Variants in ATRNL1 observed in about 807,000 individuals in gnomAD.
ATRNL1 encodes the protein attractin-like protein 1.
A neutral mutation model predicts 182.7 loss-of-function variants in ATRNL1; 95 were observed. That is an observed-to-expected ratio of 0.52 (90% CI 0.44 to 0.62). The LOEUF is 0.62. ATRNL1 is among the 20% of genes least tolerant of loss of function. The pLI is 0.00. For synonymous variants in ATRNL1, 576 were observed against 568.3 expected (o/e 1.01, Z -0.19); for missense variants, 1,471 against 1,679.5 (o/e 0.88, Z 2.17).
At chr10:115,793,869 T>C (rs1374419174) in intron 27 of ATRNL1, among the ~76,000 whole-genome samples, 1 of 152,174 alleles carries the variant, frequency 6.6e-6, no homozygotes, top group Non-Finnish European at 1.5e-5. Flanking sequence ...ACAACAATGG[T>C]TGCACAATTC....
At chr10:115,444,749 G>T (rs1284348499) in intron 21 of ATRNL1, among the ~76,000 whole-genome samples, 1 of 151,574 alleles carries the variant, frequency 6.6e-6, no homozygotes, top group Non-Finnish European at 1.5e-5. Flanking sequence ...GATAGAGCAA[G>T]ATATTTATAT....
At chr10:115,423,009 C>G (rs906366728) in intron 20 of ATRNL1, among the ~76,000 whole-genome samples, 1 of 152,030 alleles carries the variant, frequency 6.6e-6, no homozygotes, top group Non-Finnish European at 1.5e-5. Context: ...GCATGTACCT[C>G]TAGTATAACC....
chr10:115,701,564 C>G (rs1280446737), intron 26 of ATRNL1, among the ~76,000 whole-genome samples: 2 of 151,782 alleles, frequency 1.3e-5, no homozygotes, highest in Non-Finnish European at 2.9e-5. Context: ...GGTAGATTAG[C>G]AAACAAACTG....
chr10:115,767,490 A>T (rs1948885739), intron 27 of ATRNL1, among the ~76,000 whole-genome samples: 1 of 152,104 alleles, frequency 6.6e-6, no homozygotes, highest in South Asian at 2.1e-4. Flanking sequence ...TCTTGTGATT[A>T]TAAGCTGAGA....
chr10:115,593,854 G>A (rs540302215), intron 26 of ATRNL1, among the ~76,000 whole-genome samples: 3 of 151,900 alleles, frequency 2.0e-5, no homozygotes, highest in Non-Finnish European at 4.4e-5. Context: ...TCATTATCCT[G>A]TTTTAAAATG....
intron 26 of ATRNL1, among the ~76,000 whole-genome samples, chr10:115,589,547 A>G (rs1438944300): frequency 6.6e-6 from 1 of 152,158 alleles, no homozygotes; most frequent in Non-Finnish European, 1.5e-5. Context: ...TCATTGTACA[A>G]AGTCTACTTT....
rs973248447 is a variant in ATRNL1, at chr10:115,235,061, C to T, written c.1533-6510C>T. On this transcript the variant is annotated intron_variant, in intron 9 of 28. Transcript: ENST00000355044. ...TTAGTTGTCATGTCTTTTTAGTCTCCTTTAATTTGGAATAGTCATGATCTT... is the reference window on the plus strand; with the variant it reads ...TTAGTTGTCATGTCTTTTTAGTCTCTTTTAATTTGGAATAGTCATGATCTT... 2.6e-5 allele frequency among the ~76,000 whole-genome samples: 4 copies of T among 152,074 alleles called. No homozygotes were observed. In the East Asian group the frequency reaches 5.8e-4, roughly 22 times the overall value.
Position 115,696,396 on chromosome 10 carries a change from G to T in ATRNL1, c.3796-30852G>T, listed in dbSNP as rs551313602. 2.6e-4 allele frequency among the ~76,000 whole-genome samples: 40 copies of T among 152,284 alleles called. No individual in the cohort carries two copies. In the South Asian group the frequency reaches 4.8e-3, roughly 18 times the overall value. The stretch of plus-strand genomic sequence containing the variant: ...GAGGTAGAAGGATTGCTTGAGCCTG[G>T]GTGGCAGAGATTGCAGTGAGCCAAG... On this transcript the variant is annotated intron_variant, in intron 26 of 28. Coordinates refer to ENST00000355044, the MANE Select transcript of ATRNL1 (RefSeq NM_207303.4).
At chr10:115,870,066 A>G (rs1349891045) in intron 28 of ATRNL1, among the ~76,000 whole-genome samples, 2 of 144,968 alleles carry the variant, frequency 1.4e-5, no homozygotes, top group African/African-American at 5.2e-5. Context: ...TTTCCTTGGG[A>G]CACATTACTT....
chr10:115,280,291 T>G (rs181367023), intron 13 of ATRNL1, among the ~76,000 whole-genome samples: 2 of 152,302 alleles, frequency 1.3e-5, no homozygotes. Flanking sequence ...GGATTTGTGT[T>G]TAACATAACA....
intron 19 of ATRNL1, among the ~76,000 whole-genome samples, chr10:115,344,194 G>C (rs1273617463): frequency 7.2e-5 from 11 of 152,190 alleles, no homozygotes; most frequent in Admixed American, 7.2e-4. Context: ...AAGCCAGCTA[G>C]GCCTGTGTTC....
chr10:115,336,499 T>A (rs1294515836), intron 19 of ATRNL1, among the ~76,000 whole-genome samples: 1 of 152,198 alleles, frequency 6.6e-6, no homozygotes, highest in East Asian at 1.9e-4. Flanking sequence ...ATGTGTCAGA[T>A]AGGTTATGTG....
At chr10:115,265,312 A>G (rs1554910237) in intron 11 of ATRNL1, 35 bp downstream of exon 11, 1 of 1,326,828 alleles carries the variant, frequency 7.5e-7, no homozygotes, top group Non-Finnish European at 1.1e-6. Context: ...TTAGAGGGTC[A>G]CTTATATCAG....
At chr10:115,623,097 T>C (rs1323866075) in intron 26 of ATRNL1, among the ~76,000 whole-genome samples, 7 of 152,166 alleles carry the variant, frequency 4.6e-5, no homozygotes, top group Non-Finnish European at 1.0e-4. Context: ...CAGTAAATGA[T>C]AGGTCAAGCA....
At chr10:115,449,139 C>T (rs1368058560) in intron 21 of ATRNL1, among the ~76,000 whole-genome samples, 2 of 152,160 alleles carry the variant, frequency 1.3e-5, no homozygotes, top group African/African-American at 2.4e-5. Flanking sequence ...TATTTCTGCT[C>T]GAATGTTGCC....
intron 26 of ATRNL1, among the ~76,000 whole-genome samples, chr10:115,660,808 G>A (rs1555037484): frequency 6.6e-6 from 1 of 152,006 alleles, no homozygotes; most frequent in Admixed American, 6.6e-5. Flanking sequence ...TAAATATGGT[G>A]GTGGCTCAGG....
At chr10:115,836,659 A>G (rs1950680972) in intron 27 of ATRNL1, among the ~76,000 whole-genome samples, 1 of 152,230 alleles carries the variant, frequency 6.6e-6, no homozygotes, top group Admixed American at 6.5e-5. Flanking sequence ...TTGTATCAAA[A>G]GTAGGGCAGG....
At chr10:115,245,725 C>T (rs897082721) in intron 10 of ATRNL1, among the ~76,000 whole-genome samples, 2 of 151,922 alleles carry the variant, frequency 1.3e-5, no homozygotes, top group Non-Finnish European at 2.9e-5. Flanking sequence ...GCTTGCTTTT[C>T]ATGTTTATAA....
intron 24 of ATRNL1, among the ~76,000 whole-genome samples, chr10:115,508,888 T>C (rs1416918811): frequency 1.3e-5 from 2 of 152,066 alleles, no homozygotes; most frequent in Non-Finnish European, 2.9e-5. Context: ...TCTCAATGTA[T>C]ATGAAACAGC....
Sources: gnomAD v4.1 joint callset for allele counts (sites outside exome capture counted in the v4.1 genomes callset) on GRCh38, gnomAD v4.1.1 for gene constraint, MANE v1.5 for transcripts, NCBI Gene and HGNC (gene_info 2026-07-23, HGNC 2026-07-21) for gene names.